The following OOSP4B variants were observed in gnomAD, a reference collection of about 807,000 sequenced individuals.
The protein encoded by OOSP4B is oocyte-secreted protein 4B.
chr11:60,021,442 T>G (rs1327841571), intron 1 of OOSP4B: 2 of 152,186 alleles, frequency 1.3e-5, no homozygotes, highest in Non-Finnish European at 2.9e-5. Context: ...TAATTCTCAC[T>G]TTTTCACTCC....
At chr11:60,026,199 G>C (rs1412557241) in intron 3 of OOSP4B, among the ~76,000 whole-genome samples, 1 of 152,058 alleles carries the variant, frequency 6.6e-6, no homozygotes, top group African/African-American at 2.4e-5. Context: ...TCTAGTTATT[G>C]CTTTCTGTTC....
chr11:60,017,511 A>G (rs1208548852), intron 1 of OOSP4B, 98 bp downstream of exon 1: 5 of 398,048 alleles, frequency 1.3e-5, no homozygotes, highest in Middle Eastern at 6.2e-4. Flanking sequence ...TTAAACTGAT[A>G]AGATTACTTT....
At chr11:60,019,175 A>G (rs1429668272) in intron 1 of OOSP4B, among the ~76,000 whole-genome samples, 1 of 152,074 alleles carries the variant, frequency 6.6e-6, no homozygotes, top group Non-Finnish European at 1.5e-5. Flanking sequence ...GTGAGCTGAG[A>G]TTGCGCCATT....
chr11:60,018,040 G>A (rs1301882487), intron 1 of OOSP4B, among the ~76,000 whole-genome samples: 1 of 152,156 alleles, frequency 6.6e-6, no homozygotes, highest in Non-Finnish European at 1.5e-5. Flanking sequence ...AAAATTACTA[G>A]GAATGTATAG....
At chr11:60,020,129 C>T (rs945165926) in intron 1 of OOSP4B, among the ~76,000 whole-genome samples, 6 of 152,238 alleles carry the variant, frequency 3.9e-5, no homozygotes, top group African/African-American at 1.4e-4. Flanking sequence ...GGTGTATTTA[C>T]AATCCCTTAG....
intron 1 of OOSP4B, among the ~76,000 whole-genome samples, chr11:60,018,868 T>G (rs2134621068): frequency 6.6e-6 from 1 of 152,286 alleles, no homozygotes. Flanking sequence ...CTAAGTGTAC[T>G]TTAGTCACAT....
intron 3 of OOSP4B, among the ~76,000 whole-genome samples, chr11:60,025,576 GAA>G (rs567347257): frequency 3.3e-4 from 50 of 152,228 alleles, no homozygotes; most frequent in African/African-American, 1.1e-3. Context: ...CAGAATGTTT[GAA>G]ACTCGTTTAT....
At chr11:60,020,866 C>G (rs769871907) in intron 1 of OOSP4B, among the ~76,000 whole-genome samples, 1 of 152,200 alleles carries the variant, frequency 6.6e-6, no homozygotes, top group Non-Finnish European at 1.5e-5. Context: ...GCTGAGATCT[C>G]ACCACTGCAC....
At chr11:60,019,721 A>G (rs1207015420) in intron 1 of OOSP4B, 1 of 152,248 alleles carries the variant, frequency 6.6e-6, no homozygotes, top group Non-Finnish European at 1.5e-5. Context: ...GGACCCAAAC[A>G]GCTGCAGCAA....
intron 3 of OOSP4B, among the ~76,000 whole-genome samples, chr11:60,028,013 A>G (rs1381152199): frequency 2.6e-5 from 4 of 151,688 alleles, no homozygotes; most frequent in African/African-American, 7.3e-5. Context: ...AGTCAAGGCA[A>G]TGAGCATATA....
At chr11:60,023,776 G>T (rs1344090051) in intron 1 of OOSP4B, 104 bp from the exon 2 acceptor site, 4 of 395,972 alleles carry the variant, frequency 1.0e-5, no homozygotes, top group South Asian at 1.4e-4. Context: ...GAGACTGAAC[G>T]CTACCCATGT....
intron 1 of OOSP4B, among the ~76,000 whole-genome samples, chr11:60,020,504 G>A (rs561523904): frequency 3.3e-5 from 5 of 152,318 alleles, no homozygotes; most frequent in East Asian, 3.9e-4. Context: ...GCCAGCCGGC[G>A]GCTCCGAGTG....
chr11:60,020,965 A>T (rs1189807123), intron 1 of OOSP4B, among the ~76,000 whole-genome samples: 1 of 152,184 alleles, frequency 6.6e-6, no homozygotes, highest in East Asian at 1.9e-4. Flanking sequence ...TTTTTATGGC[A>T]TTTTTGTAAC....
intron 1 of OOSP4B, chr11:60,022,023 G>A (rs984561585): frequency 1.4e-5 from 2 of 145,156 alleles, no homozygotes; most frequent in African/African-American, 5.2e-5. Flanking sequence ...GGTGAAATTT[G>A]ACCTAGGAAT....
intron 1 of OOSP4B, among the ~76,000 whole-genome samples, chr11:60,018,101 C>A (rs752638225): frequency 3.9e-5 from 6 of 152,122 alleles, no homozygotes; most frequent in Non-Finnish European, 7.4e-5. Context: ...ACACTCAAAT[C>A]TTAGTGCTGG....
chr11:60,024,100 AT>A (rs1034866272), intron 2 of OOSP4B, 39 bp downstream of exon 2: 2 of 395,744 alleles, frequency 5.1e-6, no homozygotes, highest in Admixed American at 4.4e-5. Flanking sequence ...CATATACTGA[AT>A]TTTTTTTTCA....
At chr11:60,028,019 A>G (rs193202075) in intron 3 of OOSP4B, among the ~76,000 whole-genome samples, 122 of 151,778 alleles carry the variant, frequency 8.0e-4, no homozygotes, top group African/African-American at 2.7e-3. Context: ...GGCAATGAGC[A>G]TATAAATGTG....
intron 2 of OOSP4B, 145 bp from the exon 3 acceptor site, chr11:60,024,763 A>G (rs1854728850): frequency 7.7e-6 from 3 of 390,804 alleles, no homozygotes; most frequent in Admixed American, 8.9e-5. Context: ...AGAATAAAGT[A>G]TTTCTCATGA....
chr11:60,023,565 G>A (rs769674848), intron 1 of OOSP4B, among the ~76,000 whole-genome samples: 1 of 152,138 alleles, frequency 6.6e-6, no homozygotes, highest in Admixed American at 6.5e-5. Flanking sequence ...CTCCCAAGTA[G>A]CTGGGATTAC....
Sources: gnomAD v4.1 joint callset for allele counts (sites outside exome capture counted in the v4.1 genomes callset) on GRCh38, gnomAD v4.1.1 for gene constraint, MANE v1.5 for transcripts, NCBI Gene and HGNC (gene_info 2026-07-23, HGNC 2026-07-21) for gene names.